The following MTHFD1L variants were observed in gnomAD, a reference collection of about 807,000 sequenced individuals.
MTHFD1L encodes the protein monofunctional C1-tetrahydrofolate synthase, mitochondrial.
MTHFD1L carries 81 observed loss-of-function variants against 119.5 expected under a neutral mutation model. The ratio of observed to expected loss-of-function variants is 0.68; its 90% CI spans 0.57 to 0.82. The LOEUF (loss-of-function observed/expected upper bound fraction) is 0.82, where lower values mean the gene tolerates loss of function less well. Ranked by LOEUF, MTHFD1L falls within the 40% of genes least tolerant of loss-of-function variation. The pLI is 0.00. For missense variants in MTHFD1L, 1,125 were observed against 1,253.4 expected, an observed-to-expected ratio of 0.90 and a Z score of 1.55; for synonymous variants, 430 against 475.2, an observed-to-expected ratio of 0.90 and a Z score of 1.24.
At chr6:150,940,948 G>A (rs1437810311) in intron 13 of MTHFD1L, among the ~76,000 whole-genome samples, 1 of 152,192 alleles carries the variant, frequency 6.6e-6, no homozygotes, top group African/African-American at 2.4e-5. Flanking sequence ...GAAGTTGAGT[G>A]CCTCCAGTCT....
chr6:150,960,095 A>ACCAGGCACAAACCCTGCATGGT (rs1300581254), intron 17 of MTHFD1L, among the ~76,000 whole-genome samples, 180 bp from the exon 18 acceptor site: 20 of 152,358 alleles, frequency 1.3e-4, no homozygotes, highest in Admixed American at 1.1e-3. Context: ...CCTAGGGAGC[A>ACCAGGCACAAACCCTGCATGGT]CCAGGCACAA....
At chr6:150,889,199 A>G (rs948716080) in intron 7 of MTHFD1L, among the ~76,000 whole-genome samples, 15 of 152,098 alleles carry the variant, frequency 9.9e-5, no homozygotes, top group Non-Finnish European at 1.9e-4. Context: ...TAAAACATTA[A>G]CTATTAAAAA....
intron 10 of MTHFD1L, among the ~76,000 whole-genome samples, chr6:150,922,892 C>G (rs1248409641): frequency 6.6e-6 from 1 of 152,182 alleles, no homozygotes; most frequent in East Asian, 1.9e-4. Context: ...GATCTGCCCA[C>G]CTTGGCCTCC....
At position 150,906,994 on chromosome 6, in the gene MTHFD1L, A is replaced by G. The variant is rs552125187; in HGVS notation, c.892+1233A>G. On this transcript the variant is annotated intron_variant, in intron 8 of 27. Coordinates refer to ENST00000367321, the MANE Select transcript of MTHFD1L (RefSeq NM_015440.5). ...TTAAAAATATGTGTAATTTATTCAT[A>G]TAACTTTTTTTCCCCTGAAAAAAAA... 1.4e-4 allele frequency among the ~76,000 whole-genome samples: 21 copies of G among 151,880 alleles called. No individual in the cohort carries two copies. In the East Asian group the frequency reaches 3.3e-3, roughly 24 times the overall value.
chr6:150,935,523 T>C, intron 11 of MTHFD1L: 2 of 1,558,244 alleles, frequency 1.3e-6, no homozygotes, highest in Non-Finnish European at 1.7e-6. Context: ...CATGATATGA[T>C]CATTAAAAGA....
At chr6:151,023,520 C>T (rs989160593) in intron 24 of MTHFD1L, among the ~76,000 whole-genome samples, 15 of 152,104 alleles carry the variant, frequency 9.9e-5, no homozygotes, top group Non-Finnish European at 1.3e-4. Flanking sequence ...TAGACAGTTT[C>T]GAGGGATCTG....
intron 27 of MTHFD1L, among the ~76,000 whole-genome samples, chr6:151,093,620 C>T (rs1056203794): frequency 3.9e-5 from 6 of 152,026 alleles, no homozygotes; most frequent in African/African-American, 1.2e-4. Flanking sequence ...TGCGCCACTG[C>T]ACTCCAGCCT....
chr6:151,074,723 C>T (rs1401590211), intron 26 of MTHFD1L, among the ~76,000 whole-genome samples: 2 of 152,104 alleles, frequency 1.3e-5, no homozygotes, highest in Admixed American at 6.6e-5. Context: ...AAATACTTAC[C>T]ATTCTGTTAC....
chr6:150,917,291 A>T (rs1426336447), intron 8 of MTHFD1L, among the ~76,000 whole-genome samples: 1 of 152,016 alleles, frequency 6.6e-6, no homozygotes, highest in Non-Finnish European at 1.5e-5. Context: ...TGGGAGGCCG[A>T]GGTGGGCAGA....
intron 24 of MTHFD1L, among the ~76,000 whole-genome samples, chr6:151,032,770 G>T (rs892763760): frequency 6.6e-6 from 1 of 152,052 alleles, no homozygotes; most frequent in African/African-American, 2.4e-5. Flanking sequence ...AGGTTATAAG[G>T]CTTGCACCTT....
chr6:150,880,673 C>T (rs1170396438), intron 4 of MTHFD1L, among the ~76,000 whole-genome samples: 1 of 152,132 alleles, frequency 6.6e-6, no homozygotes, highest in Non-Finnish European at 1.5e-5. Flanking sequence ...TGTGAGAAAT[C>T]TTCATACTGT....
intron 7 of MTHFD1L, 130 bp from the exon 8 acceptor site, chr6:150,905,520 T>A: frequency 1.5e-6 from 1 of 664,764 alleles, no homozygotes; most frequent in Non-Finnish European, 2.7e-6. Flanking sequence ...GTAAAGCGAT[T>A]CCATCCTTGT....
At chr6:150,975,147 T>G (rs1379420381) in intron 20 of MTHFD1L, among the ~76,000 whole-genome samples, 1 of 152,246 alleles carries the variant, frequency 6.6e-6, no homozygotes, top group Admixed American at 6.5e-5. Flanking sequence ...CACCTTTGGC[T>G]CTTATGAATA....
At chr6:150,946,402 G>A (rs143598340) in intron 15 of MTHFD1L, among the ~76,000 whole-genome samples, 1 of 152,298 alleles carries the variant, frequency 6.6e-6, no homozygotes, top group African/African-American at 2.4e-5. Flanking sequence ...CATCCACCTT[G>A]GCCTCCCAAA....
In MTHFD1L at chr6:151,042,621, T is replaced by C. The variant is rs539721961; in HGVS notation, c.2847+5504T>C. ...GTCTTGTGGTCACATGGTTTTGATA[T>C]TGTCTTTAAGTTTCTATAATTTACA... On this transcript the variant is annotated intron_variant, in intron 26 of 27. Transcript: ENST00000367321. Among the ~76,000 whole-genome samples the C allele has an allele frequency of 2.3e-3, 343 of 152,354 alleles. 1 individual carries two copies. The highest frequency in any genetic ancestry group is 7.7e-3 in the African/African-American group (320 of 41,584).
chr6:150,978,811 C>T (rs916700344), intron 20 of MTHFD1L, among the ~76,000 whole-genome samples: 5 of 152,102 alleles, frequency 3.3e-5, no homozygotes, highest in African/African-American at 4.8e-5. Context: ...TACATGTCCA[C>T]GATCAATCAG....
In MTHFD1L at chr6:151,012,019, C is replaced by CAAAA. The variant is rs1043831602; in HGVS notation, c.2266-1731_2266-1728dup. Among the ~76,000 whole-genome samples, 76 of 58,804 alleles carry CAAAA rather than the reference C, an allele frequency of 1.3e-3. 1 individual carries two copies. The highest frequency in any genetic ancestry group is 1.9e-3 in the Non-Finnish European group (56 of 30,016). 38.6% of individuals were successfully genotyped at this position (58,804 alleles called of 152,430 possible). On this transcript the variant is annotated intron_variant, in intron 21 of 27. Transcript: ENST00000367321. The stretch of plus-strand genomic sequence containing the variant: ...TCCATCTCAACAACAACAACAACAA[C>CAAAA]AAAAAAAAAAAAAAAAAAAAAAAAA...
At chr6:150,909,450 C>A (rs1786490453) in intron 8 of MTHFD1L, among the ~76,000 whole-genome samples, 1 of 151,966 alleles carries the variant, frequency 6.6e-6, no homozygotes, top group South Asian at 2.1e-4. Flanking sequence ...ACTGTGTTGC[C>A]CAGGCTGGTC....
In MTHFD1L at chr6:151,036,952, T is replaced by C; in HGVS notation, c.2695-13T>C. 2 of 1,611,924 alleles carry C rather than the reference T, an allele frequency of 1.2e-6. No individual in the cohort carries two copies. Among genetic ancestry groups the C allele is most frequent in the Non-Finnish European group, 1.7e-6 (2 of 1,179,770 alleles). On this transcript the variant is annotated splice_polypyrimidine_tract_variant and intron_variant, in intron 25 of 27. Coordinates refer to ENST00000367321, the MANE Select transcript of MTHFD1L (RefSeq NM_015440.5). ...TCTGTATCAGTGAACACATTTTCTTTCCTTTCTCACAGGGTTTTGGAAATT... is the reference window on the plus strand; with the variant it reads ...TCTGTATCAGTGAACACATTTTCTTCCCTTTCTCACAGGGTTTTGGAAATT...
Sources: gnomAD v4.1 joint callset for allele counts (sites outside exome capture counted in the v4.1 genomes callset) on GRCh38, gnomAD v4.1.1 for gene constraint, MANE v1.5 for transcripts, NCBI Gene and HGNC (gene_info 2026-07-23, HGNC 2026-07-21) for gene names.